KIF21A: variants seen among roughly 807,000 people sequenced by gnomAD.
KIF21A encodes the protein kinesin family member 21A, also known as kinesin-like protein KIF21A.
Under a neutral mutation model 202.9 loss-of-function variants are expected in KIF21A, and 114 were observed. The ratio of observed to expected loss-of-function variants is 0.56; its 90% confidence interval spans 0.48 to 0.66. The LOEUF (loss-of-function observed/expected upper bound fraction) is 0.66, where lower values mean the gene tolerates loss of function less well. Ranked by LOEUF, KIF21A falls within the 30% of genes least tolerant of loss-of-function variation. The probability of loss-of-function intolerance (pLI) is 0.00; values close to 1 mark genes in which losing one functional copy is unlikely to be tolerated. For missense variants in KIF21A, 1,677 were observed against 1,994.9 expected, an observed-to-expected ratio of 0.84 and a Z score of 3.04; for synonymous variants, 667 against 670.8, an observed-to-expected ratio of 0.99 and a Z score of 0.09.
chr12:39,386,218 T>C (rs1305082583), intron 1 of KIF21A, among the ~76,000 whole-genome samples: 2 of 152,174 alleles, frequency 1.3e-5, no homozygotes, highest in African/African-American at 4.8e-5. Flanking sequence ...AGTAGAGTCC[T>C]TAAATGGAAA....
At chr12:39,352,519 A>G (rs1948470056) in intron 10 of KIF21A, among the ~76,000 whole-genome samples, 2 of 152,170 alleles carry the variant, frequency 1.3e-5, no homozygotes, top group Admixed American at 1.3e-4. Flanking sequence ...AGTGGTAATT[A>G]GATTACTTGA....
chr12:39,357,171 A>G, intron 9 of KIF21A, 77 bp downstream of exon 9: 1 of 1,217,256 alleles, frequency 8.2e-7, no homozygotes, highest in South Asian at 1.2e-5. Context: ...CAACTATGCT[A>G]GGTAATTAGT....
At chr12:39,397,254 T>C (rs186461962) in intron 1 of KIF21A, among the ~76,000 whole-genome samples, 3 of 152,320 alleles carry the variant, frequency 2.0e-5, no homozygotes. Context: ...ATAATGTTTG[T>C]GTTCAATACT....
intron 1 of KIF21A, among the ~76,000 whole-genome samples, chr12:39,423,755 A>G (rs1409239726): frequency 1.3e-5 from 2 of 152,044 alleles, no homozygotes; most frequent in East Asian, 1.9e-4. Flanking sequence ...AAGGCAAGGC[A>G]GGTGGATCAC....
chr12:39,368,195 C>A (rs1279785869), intron 3 of KIF21A, among the ~76,000 whole-genome samples, 163 bp from the exon 4 acceptor site: 1 of 151,904 alleles, frequency 6.6e-6, no homozygotes, highest in African/African-American at 2.4e-5. Flanking sequence ...ATTATTATAA[C>A]AATTATAAGT....
At position 39,304,906 on chromosome 12, in the gene KIF21A, A is replaced by G; in HGVS notation, c.4475T>C (p.Leu1492Pro). 6.2e-7 allele frequency: 1 copy of G among 1,600,102 alleles called. No homozygotes were observed. Among genetic ancestry groups the G allele is most frequent in the Non-Finnish European group, 8.6e-7 (1 of 1,168,090 alleles). ...CACAGTAAGGCACATAACAGGGCCT[A>G]GGTGTCCTGTTAACTTTCCTGTAGA... is the stretch of plus-strand genomic sequence containing the variant. The part of the protein sequence containing the change: ...FQSTGKLTGH[L>P]GPVMCLTVDQ... The change falls in exon 35 of 38, where the codon CTA becomes CCA. Residue 1492 changes from leucine (L) to proline (P), a missense_variant. Coordinates refer to ENST00000361418, the MANE Select transcript of KIF21A (RefSeq NM_001173464.2).
chr12:39,362,754 C>T (rs1949327974), intron 7 of KIF21A, among the ~76,000 whole-genome samples: 1 of 152,040 alleles, frequency 6.6e-6, no homozygotes, highest in Admixed American at 6.6e-5. Flanking sequence ...GCTTTCTATT[C>T]TGTGCTAAGT....
At chr12:39,438,707 C>A (rs1939157560) in intron 1 of KIF21A, among the ~76,000 whole-genome samples, 1 of 152,120 alleles carries the variant, frequency 6.6e-6, no homozygotes, top group Non-Finnish European at 1.5e-5. Flanking sequence ...CAGAGAATAA[C>A]ATAAAAACAC....
intron 16 of KIF21A, 46 bp from the exon 17 acceptor site, chr12:39,337,249 C>T (rs1211726660): frequency 8.4e-7 from 1 of 1,184,780 alleles, no homozygotes. Context: ...TCTGTCACAA[C>T]ATTCATTAAA....
At chr12:39,330,125 C>T (rs977384585) in intron 24 of KIF21A, 117 bp downstream of exon 24, 1 of 952,212 alleles carries the variant, frequency 1.1e-6, no homozygotes, top group Non-Finnish European at 1.7e-6. Context: ...AAAGATCATG[C>T]AAAAACCACT....
chr12:39,366,315 T>C, intron 6 of KIF21A, 35 bp downstream of exon 6: 1 of 1,574,206 alleles, frequency 6.4e-7, no homozygotes, highest in Non-Finnish European at 8.7e-7. Context: ...ATAGAAAAGC[T>C]CTGATATATT....
intron 1 of KIF21A, among the ~76,000 whole-genome samples, chr12:39,427,646 G>A (rs1205605440): frequency 2.6e-5 from 4 of 152,148 alleles, no homozygotes; most frequent in African/African-American, 9.7e-5. Context: ...CCACAAAGAT[G>A]ACTGCTATTG....
chr12:39,388,432 T>C (rs903390095), intron 1 of KIF21A, among the ~76,000 whole-genome samples: 2 of 152,168 alleles, frequency 1.3e-5, no homozygotes, highest in African/African-American at 4.8e-5. Flanking sequence ...CATCTTCAGG[T>C]ATTTGCTTAT....
rs181062722 is a variant in KIF21A at position 39,380,500 on chromosome 12, G to A, written c.45-10239C>T. Among the ~76,000 whole-genome samples the A allele has an allele frequency of 1.1e-4, 17 of 152,262 alleles. No homozygotes were observed. In the East Asian group the frequency reaches 3.1e-3, roughly 28 times the overall value. On this transcript the variant is annotated intron_variant, in intron 1 of 37. Coordinates refer to ENST00000361418, the MANE Select transcript of KIF21A (RefSeq NM_001173464.2). ...AAAGTATCATCTTTGTTGGTCAATC[G>A]AATGACTTTTATAAATTCTTATAAT...
At chr12:39,306,258 T>G (rs1048654863) in intron 34 of KIF21A, among the ~76,000 whole-genome samples, 2 of 152,234 alleles carry the variant, frequency 1.3e-5, no homozygotes, top group African/African-American at 4.8e-5. Flanking sequence ...GTCAAACCTA[T>G]CAGCAAATTA....
chr12:39,371,764 T>C (rs1463006926), intron 1 of KIF21A, among the ~76,000 whole-genome samples: 1 of 151,984 alleles, frequency 6.6e-6, no homozygotes, highest in Non-Finnish European at 1.5e-5. Context: ...ACCTGGTCTC[T>C]GCTAAAAATA....
Position 39,443,077 on chromosome 12 carries a change from G to A in KIF21A, c.-107C>T. The A allele has an allele frequency of 1.7e-6, 2 of 1,194,216 alleles. No homozygotes were observed. Among genetic ancestry groups the A allele is most frequent in the South Asian group, 1.8e-5 (1 of 55,774 alleles). 74.0% of individuals were successfully genotyped at this position (1,194,216 alleles called of 1,614,324 possible). On this transcript the variant is annotated 5_prime_UTR_variant, in exon 1 of 38. Transcript: ENST00000361418. ...AGTAGGCTGGGGCGTCTGCGGGCGG[G>A]CGGCCGGCTCACCTCCGCCGCGCTC...
At chr12:39,390,396 T>C (rs1317723801) in intron 1 of KIF21A, among the ~76,000 whole-genome samples, 1 of 152,182 alleles carries the variant, frequency 6.6e-6, no homozygotes, top group African/African-American at 2.4e-5. Context: ...AGGTGAATGA[T>C]TCAAGTTTAC....
chr12:39,409,114 G>C (rs1952859996), intron 1 of KIF21A, among the ~76,000 whole-genome samples: 1 of 151,806 alleles, frequency 6.6e-6, no homozygotes, highest in Admixed American at 6.6e-5. Flanking sequence ...GGGATTACAG[G>C]CATGAATCAC....
Sources: allele counts gnomAD v4.1 joint callset (sites outside exome capture counted in the v4.1 genomes callset), GRCh38; gene constraint gnomAD v4.1.1; transcripts MANE v1.5; gene names NCBI Gene and HGNC (gene_info 2026-07-23, HGNC 2026-07-21).